TRPM3: variants seen among roughly 807,000 people sequenced by gnomAD.
The protein encoded by TRPM3 is transient receptor potential cation channel subfamily M member 3.
TRPM3 carries 77 observed loss-of-function variants against 181.2 expected under a neutral mutation model. That is an observed-to-expected ratio of 0.42 (90% CI 0.35 to 0.51). The LOEUF (loss-of-function observed/expected upper bound fraction) is 0.51, where lower values mean the gene tolerates loss of function less well. Ranked by LOEUF, TRPM3 falls within the 20% of genes least tolerant of loss-of-function variation. The pLI, the probability that TRPM3 is intolerant of heterozygous loss-of-function variation, is 0.01. For missense variants in TRPM3, 1,759 were observed against 2,196.7 expected, an observed-to-expected ratio of 0.80 and a Z score of 3.98; for synonymous variants, 745 against 796.4, an observed-to-expected ratio of 0.94 and a Z score of 1.09.
intron 1 of TRPM3, among the ~76,000 whole-genome samples, chr9:71,190,268 A>T (rs956689207): frequency 1.3e-5 from 2 of 151,904 alleles, no homozygotes; most frequent in Non-Finnish European, 2.9e-5. Flanking sequence ...ACAACTGAAC[A>T]ATTCTACTGA....
At chr9:70,566,266 T>G (rs1357428463) in intron 22 of TRPM3, among the ~76,000 whole-genome samples, 1 of 151,806 alleles carries the variant, frequency 6.6e-6, no homozygotes, top group Non-Finnish European at 1.5e-5. Flanking sequence ...AAGGCAAGAT[T>G]TGAACAAAGA....
intron 1 of TRPM3, among the ~76,000 whole-genome samples, chr9:71,408,132 A>G (rs1156583368): frequency 6.6e-6 from 1 of 152,240 alleles, no homozygotes; most frequent in Non-Finnish European, 1.5e-5. Context: ...AGATAAAACC[A>G]CAAAGATGGG....
intron 1 of TRPM3, among the ~76,000 whole-genome samples, chr9:71,439,748 A>G (rs907001126): frequency 2.0e-5 from 3 of 152,150 alleles, no homozygotes; most frequent in African/African-American, 7.2e-5. Flanking sequence ...GTGTATTATG[A>G]TTATGTGGAT....
intron 1 of TRPM3, among the ~76,000 whole-genome samples, chr9:71,055,316 T>C (rs2060535626): frequency 6.6e-6 from 1 of 152,004 alleles, no homozygotes; most frequent in East Asian, 1.9e-4. Flanking sequence ...CAGTAGATAA[T>C]AGAAATAATG....
At chr9:71,018,900 G>A (rs1030200937) in intron 1 of TRPM3, among the ~76,000 whole-genome samples, 1 of 151,684 alleles carries the variant, frequency 6.6e-6, no homozygotes, top group Non-Finnish European at 1.5e-5. Context: ...CAAAATGTAA[G>A]TAAATAAAAC....
At chr9:71,174,423 T>C (rs190580677) in intron 1 of TRPM3, among the ~76,000 whole-genome samples, 193 of 152,222 alleles carry the variant, frequency 1.3e-3, no homozygotes, top group African/African-American at 4.5e-3. Flanking sequence ...GTGCCTGTAA[T>C]CCCAGCTACT....
At position 70,777,216 on chromosome 9, in the gene TRPM3, C is replaced by T. The variant is rs557556580; in HGVS notation, c.1148+6889G>A. On this transcript the variant is annotated intron_variant, in intron 7 of 25. Transcript: ENST00000677713. ...AAGAATTATGCAACTATGTTTTCTC[C>T]GACATTTGCTCTTTATGTTCAAGGA... Among the ~76,000 whole-genome samples, 319 of 151,940 alleles carry T rather than the reference C, an allele frequency of 2.1e-3. 1 individual carries two copies. The highest frequency in any genetic ancestry group is 7.3e-3 in the African/African-American group (302 of 41,428).
At chr9:70,961,024 A>C (rs2097131144) in intron 1 of TRPM3, among the ~76,000 whole-genome samples, 1 of 152,176 alleles carries the variant, frequency 6.6e-6, no homozygotes, top group South Asian at 2.1e-4. Flanking sequence ...GGAATATGTT[A>C]TCTTACATGG....
Position 70,618,740 on chromosome 9 carries a change from C to T in TRPM3, c.2358+127G>A, listed in dbSNP as rs140943034. 3.1e-3 allele frequency: 2,437 copies of T among 788,460 alleles called. 11 individuals carry two copies. Among genetic ancestry groups the T allele is most frequent in the South Asian group, 6.3e-3 (412 of 65,464 alleles). 48.8% of individuals were successfully genotyped at this position (788,460 alleles called of 1,614,324 possible). A position where few individuals can be genotyped will look rare whatever the true frequency, so the allele number is the denominator to read the frequency against. On this transcript the variant is annotated intron_variant, in intron 17 of 25. Transcript: ENST00000677713. ...CAACACTCTACAGGATTCTGAGGCA[C>T]AGTCAGGATTTAGAACCTCCCTCCT...
chr9:70,959,768 T>G (rs1427182661), intron 1 of TRPM3, among the ~76,000 whole-genome samples: 1 of 152,194 alleles, frequency 6.6e-6, no homozygotes. Context: ...AGTTTCATTT[T>G]CCCGTCCCTT....
chr9:70,559,202 G>C (rs1475769638), intron 22 of TRPM3, among the ~76,000 whole-genome samples: 1 of 152,172 alleles, frequency 6.6e-6, no homozygotes, highest in African/African-American at 2.4e-5. Context: ...GCACATAGTA[G>C]GTGCTCAATA....
At chr9:71,028,324 A>G (rs2056843285) in intron 1 of TRPM3, among the ~76,000 whole-genome samples, 1 of 152,206 alleles carries the variant, frequency 6.6e-6, no homozygotes, top group African/African-American at 2.4e-5. Flanking sequence ...GAAGCAATAA[A>G]TATGGAAAGA....
intron 1 of TRPM3, among the ~76,000 whole-genome samples, chr9:71,264,145 T>G (rs1490486565): frequency 6.6e-6 from 1 of 152,072 alleles, no homozygotes; most frequent in Non-Finnish European, 1.5e-5. Context: ...ACACAATTAG[T>G]GTGACTTACC....
At chr9:70,979,970 C>G (rs555704202) in intron 1 of TRPM3, among the ~76,000 whole-genome samples, 1 of 151,502 alleles carries the variant, frequency 6.6e-6, no homozygotes, top group African/African-American at 2.4e-5. Context: ...TCGTAAAGAC[C>G]CTATTTCCAG....
At chr9:70,834,885 T>C (rs948629859) in intron 5 of TRPM3, among the ~76,000 whole-genome samples, 3 of 152,212 alleles carry the variant, frequency 2.0e-5, no homozygotes, top group South Asian at 2.1e-4. Context: ...TTAAGCCTGA[T>C]ATAGTTTGAG....
At chr9:70,678,327 G>A (rs1590200570) in intron 9 of TRPM3, among the ~76,000 whole-genome samples, 1 of 151,924 alleles carries the variant, frequency 6.6e-6, no homozygotes. Context: ...GGGTGCAGTG[G>A]TGCAATCGTG....
intron 9 of TRPM3, among the ~76,000 whole-genome samples, chr9:70,665,557 A>C (rs1311448832): frequency 6.6e-6 from 1 of 152,224 alleles, no homozygotes; most frequent in Non-Finnish European, 1.5e-5. Context: ...AAAGTCAGTC[A>C]GTACTTCGCA....
chr9:70,640,770 G>A, intron 9 of TRPM3, 110 bp from the exon 10 acceptor site: 2 of 780,182 alleles, frequency 2.6e-6, no homozygotes, highest in Non-Finnish European at 4.2e-6. Context: ...TATTCCCAAA[G>A]AGCCTGCTTG....
chr9:70,946,517 A>G (rs1034262848), intron 1 of TRPM3, among the ~76,000 whole-genome samples: 8 of 152,040 alleles, frequency 5.3e-5, no homozygotes, highest in African/African-American at 1.9e-4. Context: ...TTTATAAGGT[A>G]CTCATAATAC....
Sources: allele counts gnomAD v4.1 joint callset (sites outside exome capture counted in the v4.1 genomes callset), GRCh38; gene constraint gnomAD v4.1.1; transcripts MANE v1.5; gene names NCBI Gene and HGNC (gene_info 2026-07-23, HGNC 2026-07-21).